The following PPFIA2 variants were observed in gnomAD, a reference collection of about 807,000 sequenced individuals.
The protein encoded by PPFIA2 is PPFI scaffold protein A2.
Under a neutral mutation model 175.5 loss-of-function variants are expected in PPFIA2, and 46 were observed. The ratio of observed to expected loss-of-function variants is 0.26; its 90% CI spans 0.21 to 0.34. PPFIA2 has a LOEUF of 0.34. Ranked by LOEUF, PPFIA2 falls within the 10% of genes least tolerant of loss-of-function variation. The probability of loss-of-function intolerance (pLI) is 1.00; values close to 1 mark genes in which losing one functional copy is unlikely to be tolerated. For synonymous variants in PPFIA2, 568 were observed against 511.4 expected, an observed-to-expected ratio of 1.11 and a Z score of -1.49; for missense variants, 1,179 against 1,506.1, an observed-to-expected ratio of 0.78 and a Z score of 3.60.
At chr12:81,580,616 AAATT>A (rs2074258924) in intron 4 of PPFIA2, among the ~76,000 whole-genome samples, 1 of 151,536 alleles carries the variant, frequency 6.6e-6, no homozygotes, top group Non-Finnish European at 1.5e-5. Context: ...TTACAATAAT[AAATT>A]ATTTCCCTCA....
At chr12:81,724,125 G>C (rs1482836609) in intron 3 of PPFIA2, among the ~76,000 whole-genome samples, 1 of 150,814 alleles carries the variant, frequency 6.6e-6, no homozygotes, top group Non-Finnish European at 1.5e-5. Flanking sequence ...ATAATCTTAA[G>C]AAACAATGTT....
intron 3 of PPFIA2, among the ~76,000 whole-genome samples, chr12:81,687,977 A>G (rs2074677044): frequency 6.6e-6 from 1 of 151,954 alleles, no homozygotes; most frequent in African/African-American, 2.4e-5. Context: ...CCAAATATAG[A>G]CTAATCTTAG....
intron 4 of PPFIA2, among the ~76,000 whole-genome samples, chr12:81,561,189 T>C (rs538873894): frequency 1.1e-4 from 17 of 152,284 alleles, no homozygotes; most frequent in African/African-American, 3.8e-4. Context: ...AGGCTGTGTA[T>C]ATGATATGAG....
intron 3 of PPFIA2, among the ~76,000 whole-genome samples, chr12:81,697,521 C>CACTTTTTATATTCACTAAAAAGTGAA (rs1215746975): frequency 6.6e-6 from 1 of 152,058 alleles, no homozygotes; most frequent in Non-Finnish European, 1.5e-5. Flanking sequence ...GCTAAAAAAT[C>CACTTTTTATATTCACTAAAAAGTGAA]TATACAGGAA....
intron 4 of PPFIA2, among the ~76,000 whole-genome samples, chr12:81,511,343 T>C (rs116092244): frequency 2.6e-4 from 40 of 152,114 alleles, no homozygotes; most frequent in African/African-American, 9.4e-4. Context: ...TGGAAAATTA[T>C]TAAGAAAATA....
chr12:81,344,934 A>ACTGTG (rs1321349125), intron 18 of PPFIA2, among the ~76,000 whole-genome samples: 1 of 151,644 alleles, frequency 6.6e-6, no homozygotes, highest in East Asian at 1.9e-4. Flanking sequence ...GGCCATGTGT[A>ACTGTG]CAGGCACTGG....
At chr12:81,494,852 C>A (rs561642471) in intron 4 of PPFIA2, among the ~76,000 whole-genome samples, 274 of 148,618 alleles carry the variant, frequency 1.8e-3, no homozygotes, top group African/African-American at 6.4e-3. Flanking sequence ...GGACAAAAAA[C>A]CAAACACCGC....
At chr12:81,729,363 T>C (rs1417074828) in intron 3 of PPFIA2, among the ~76,000 whole-genome samples, 2 of 151,554 alleles carry the variant, frequency 1.3e-5, no homozygotes. Context: ...GTCCTCTGGA[T>C]ACTTTTGAAA....
chr12:81,467,714 T>C (rs2055951257), intron 4 of PPFIA2, among the ~76,000 whole-genome samples: 1 of 152,180 alleles, frequency 6.6e-6, no homozygotes, highest in African/African-American at 2.4e-5. Context: ...TGTTTTCTGG[T>C]GTCTGAAATG....
intron 15 of PPFIA2, 47 bp downstream of exon 15, chr12:81,362,646 A>C: frequency 1.6e-6 from 2 of 1,276,034 alleles, no homozygotes; most frequent in Non-Finnish European, 2.2e-6. Flanking sequence ...AAGGGAATTC[A>C]TGTTGATTTT....
rs546242455 is a variant in PPFIA2 at position 81,525,652 on chromosome 12, CTG to C, written c.304-67788_304-67787del. Among the ~76,000 whole-genome samples the C allele has an allele frequency of 4.5e-4, 68 of 152,166 alleles. No homozygotes were observed. The South Asian group carries it at 0.013, about 30-fold the overall frequency. On this transcript the variant is annotated intron_variant, in intron 4 of 32. Coordinates refer to ENST00000549396, the MANE Select transcript of PPFIA2 (RefSeq NM_003625.5). The stretch of plus-strand genomic sequence containing the variant: ...TGTCTAGATCCCTGAACCAAGGAAA[CTG>C]TGATAATGTGTGCTGTCTTAAGTTG...
chr12:81,619,644 C>T (rs768111835), intron 4 of PPFIA2, among the ~76,000 whole-genome samples: 103 of 151,944 alleles, frequency 6.8e-4, no homozygotes, highest in Middle Eastern at 3.4e-3. Context: ...TAAGTAAGAT[C>T]TTCATTATTT....
intron 3 of PPFIA2, among the ~76,000 whole-genome samples, chr12:81,708,337 T>C (rs914063767): frequency 6.6e-6 from 1 of 152,132 alleles, no homozygotes; most frequent in Non-Finnish European, 1.5e-5. Flanking sequence ...CTTCAGATGT[T>C]CAGCATCTAT....
intron 3 of PPFIA2, among the ~76,000 whole-genome samples, chr12:81,729,797 G>A (rs1203850416): frequency 6.6e-6 from 1 of 151,480 alleles, no homozygotes; most frequent in Non-Finnish European, 1.5e-5. Flanking sequence ...ACCATTGTTG[G>A]TTTGAAGACA....
At chr12:81,349,450 AT>A (rs2059636481) in intron 17 of PPFIA2, among the ~76,000 whole-genome samples, 1 of 152,178 alleles carries the variant, frequency 6.6e-6, no homozygotes, top group Admixed American at 6.6e-5. Flanking sequence ...TCATGAATGC[AT>A]TTTTTAACTT....
intron 3 of PPFIA2, among the ~76,000 whole-genome samples, chr12:81,681,480 T>G (rs1471954813): frequency 1.3e-5 from 2 of 152,006 alleles, no homozygotes; most frequent in Non-Finnish European, 2.9e-5. Flanking sequence ...GTGTCAGAGC[T>G]CTAAGTAGAG....
At chr12:81,316,084 G>A (rs145001389) in intron 22 of PPFIA2, among the ~76,000 whole-genome samples, 34 of 151,550 alleles carry the variant, frequency 2.2e-4, no homozygotes, top group African/African-American at 7.2e-4. Flanking sequence ...ATGTTTGTGT[G>A]TGTGTCTACG....
chr12:81,598,083 G>A (rs1333936082), intron 4 of PPFIA2: 1 of 1,533,862 alleles, frequency 6.5e-7, no homozygotes, highest in Non-Finnish European at 8.7e-7. Flanking sequence ...ATGCAGAGCA[G>A]AGAGCTTAGC....
chr12:81,652,178 T>C (rs567843348), intron 4 of PPFIA2, among the ~76,000 whole-genome samples: 2 of 150,206 alleles, frequency 1.3e-5, no homozygotes, highest in South Asian at 2.1e-4. Context: ...TATTTGTTTA[T>C]AGCCTTCTTC....
Sources: allele counts gnomAD v4.1 joint callset (sites outside exome capture counted in the v4.1 genomes callset), GRCh38; gene constraint gnomAD v4.1.1; transcripts MANE v1.5; gene names NCBI Gene and HGNC (gene_info 2026-07-23, HGNC 2026-07-21).